PITPNA: variants seen among roughly 807,000 people sequenced by gnomAD.
The protein encoded by PITPNA is phosphatidylinositol transfer protein alpha isoform.
In PITPNA, 13 loss-of-function variants were observed where a neutral mutation model predicts 50.3. That is an observed-to-expected ratio of 0.26 (90% CI 0.17 to 0.41). PITPNA has a LOEUF of 0.41. Ranked by LOEUF, PITPNA falls within the 10% of genes least tolerant of loss-of-function variation. The pLI, the probability that PITPNA is intolerant of heterozygous loss-of-function variation, is 1.00. For missense variants in PITPNA, 207 were observed against 333.4 expected, an observed-to-expected ratio of 0.62 and a Z score of 2.95; for synonymous variants, 120 against 119.6, an observed-to-expected ratio of 1.00 and a Z score of -0.02.
chr17:1,522,307 A>G (rs999403963), intron 10 of PITPNA, among the ~76,000 whole-genome samples: 7 of 149,492 alleles, frequency 4.7e-5, no homozygotes, highest in Non-Finnish European at 7.4e-5. Context: ...TCCTGACCTC[A>G]TGATCCACCC....
intron 9 of PITPNA, 79 bp downstream of exon 9, chr17:1,535,103 C>G: frequency 1.1e-6 from 1 of 881,722 alleles, no homozygotes; most frequent in Non-Finnish European, 1.9e-6. Context: ...GAGCTACTCA[C>G]CTTATGGATG....
Position 1,535,214 on chromosome 17 carries a change from G to A in PITPNA, c.613C>T (p.Leu205=), listed in dbSNP as rs200171855. Residue 205 remains leucine (L), a synonymous_variant, in exon 9 of 12, where the codon CTG becomes TTG. Transcript: ENST00000313486. ...LVTVKFKWWG[L]QNKVENFIHK... ...ATGAAGTTCTCCACTTTGTTCTGCA[G>A]GCCCCACCACTTGAACTTGACGGTC... 1.1e-3 allele frequency: 1,791 copies of A among 1,613,532 alleles called. 1 individual carries two copies. The highest frequency in any genetic ancestry group is 1.3e-3 in the Non-Finnish European group (1,567 of 1,179,424).
chr17:1,533,990 C>T (rs941637770), intron 10 of PITPNA, 109 bp downstream of exon 10: 17 of 1,266,396 alleles, frequency 1.3e-5, no homozygotes, highest in African/African-American at 7.4e-5. Context: ...CAGACACTGA[C>T]GTGTTCCCAG....
chr17:1,540,253 G>A (rs931468321), intron 6 of PITPNA, among the ~76,000 whole-genome samples: 3 of 152,176 alleles, frequency 2.0e-5, no homozygotes, highest in Non-Finnish European at 4.4e-5. Flanking sequence ...ATTTTGATCA[G>A]GCTGTACATG....
intron 4 of PITPNA, among the ~76,000 whole-genome samples, chr17:1,543,959 G>A (rs1016319940): frequency 1.3e-5 from 2 of 152,234 alleles, no homozygotes; most frequent in African/African-American, 4.8e-5. Flanking sequence ...CTCGTCAGCA[G>A]AAATTCTCCT....
intron 3 of PITPNA, among the ~76,000 whole-genome samples, chr17:1,552,110 A>ATT (rs2075712859): frequency 6.6e-6 from 1 of 152,252 alleles, no homozygotes; most frequent in African/African-American, 2.4e-5. Context: ...TCCAAATGAA[A>ATT]GTCAATTGAT....
intron 2 of PITPNA, among the ~76,000 whole-genome samples, chr17:1,557,725 G>C (rs2075742519): frequency 6.6e-6 from 1 of 152,194 alleles, no homozygotes; most frequent in African/African-American, 2.4e-5. Flanking sequence ...ACCGTAAAAG[G>C]ACAGAGGACA....
At chr17:1,541,676 G>T (rs377745228) in intron 5 of PITPNA, 36 bp from the exon 6 acceptor site, 2 of 1,368,876 alleles carry the variant, frequency 1.5e-6, no homozygotes, top group East Asian at 2.3e-5. Flanking sequence ...AAAGTCACTA[G>T]GTTCACAGTT....
chr17:1,523,136 A>C (rs142595602), intron 10 of PITPNA, among the ~76,000 whole-genome samples: 262 of 148,966 alleles, frequency 1.8e-3, no homozygotes, highest in African/African-American at 6.5e-3. Flanking sequence ...GGTCCCTGTC[A>C]CTGGCACCTT....
chr17:1,539,041 C>A, intron 6 of PITPNA, 89 bp from the exon 7 acceptor site: 1 of 739,558 alleles, frequency 1.4e-6, no homozygotes, highest in South Asian at 1.6e-5. Context: ...ACTGCCATTC[C>A]CATAGCCACA....
rs1447613813 is a variant in PITPNA, at chr17:1,560,371, A to ACAGCCAGTGTCTCTGG, written c.21-1813_21-1812insCCAGAGACACTGGCTG. ...TTTCCAGGGCTGCAACGCTGCGGCCACAGCCAGTGTCTCGGATGCCCTGAT... is the reference window on the plus strand; with the variant it reads ...TTTCCAGGGCTGCAACGCTGCGGCCACAGCCAGTGTCTCTGGCAGCCAGTGTCTCGGATGCCCTGAT... On this transcript the variant is annotated intron_variant, in intron 1 of 11. Coordinates refer to ENST00000313486, the MANE Select transcript of PITPNA (RefSeq NM_006224.4). Among the ~76,000 whole-genome samples, 4 of 144,214 alleles carry ACAGCCAGTGTCTCTGG rather than the reference A, an allele frequency of 2.8e-5. No individual in the cohort carries two copies. The East Asian group carries it at 7.8e-4, about 28-fold the overall frequency. The allele number at this position is 144,214 out of a possible 152,430, so 94.6% of individuals were successfully genotyped here. A position where few individuals can be genotyped will look rare whatever the true frequency, so the allele number is the denominator to read the frequency against.
intron 1 of PITPNA, chr17:1,559,895 G>T: frequency 2.4e-6 from 1 of 420,350 alleles, no homozygotes; most frequent in Non-Finnish European, 3.2e-6. Context: ...CTGCCAGTGA[G>T]CCTCCCCTCC....
intron 10 of PITPNA, among the ~76,000 whole-genome samples, chr17:1,529,137 C>CA (rs67568232): frequency 1.1e-4 from 10 of 91,048 alleles, no homozygotes; most frequent in South Asian, 4.4e-4. Flanking sequence ...GACTCCATCT[C>CA]AAAAAAAAAA....
At chr17:1,557,866 CAGAA>C (rs1314170097) in intron 2 of PITPNA, among the ~76,000 whole-genome samples, 1 of 152,196 alleles carries the variant, frequency 6.6e-6, no homozygotes, top group Non-Finnish European at 1.5e-5. Flanking sequence ...GTTGCACAAC[CAGAA>C]AGAGCCACGC....
chr17:1,521,011 GAC>G (rs2075508229), intron 11 of PITPNA, among the ~76,000 whole-genome samples: 1 of 151,978 alleles, frequency 6.6e-6, no homozygotes, highest in Non-Finnish European at 1.5e-5. Flanking sequence ...GGGGAAAAGT[GAC>G]AACATGAAAC....
At chr17:1,559,684 A>G in intron 1 of PITPNA, 1 of 745,234 alleles carries the variant, frequency 1.3e-6, no homozygotes, top group Non-Finnish European at 1.6e-6. Context: ...GCTAGTAAAC[A>G]GCTATTTTCT....
chr17:1,539,698 G>A (rs1297416284), intron 6 of PITPNA, among the ~76,000 whole-genome samples: 1 of 152,260 alleles, frequency 6.6e-6, no homozygotes, highest in African/African-American at 2.4e-5. Context: ...TCAGCCTCCT[G>A]AGGAGCTGGG....
At chr17:1,539,029 G>A in intron 6 of PITPNA, 77 bp from the exon 7 acceptor site, 1 of 837,528 alleles carries the variant, frequency 1.2e-6, no homozygotes, top group Non-Finnish European at 2.0e-6. Flanking sequence ...GGACACCTAG[G>A]AACTGCCATT....
At position 1,538,650 on chromosome 17, in the gene PITPNA, A is replaced by C. The variant is rs994254881; in HGVS notation, c.456+219T>G. On this transcript the variant is annotated intron_variant, in intron 7 of 11. Transcript: ENST00000313486. ...CCTACTTAGTCCAGTAATAATTTTCAGAGGCCAAACAGGGCACACAAATTT... is the reference window on the plus strand; with the variant it reads ...CCTACTTAGTCCAGTAATAATTTTCCGAGGCCAAACAGGGCACACAAATTT... 4.6e-5 allele frequency: 22 copies of C among 474,734 alleles called. No homozygotes were observed. The East Asian group carries it at 7.4e-4, about 16-fold the overall frequency. 29.4% of individuals were successfully genotyped at this position (474,734 alleles called of 1,614,324 possible).
Sources: allele counts gnomAD v4.1 joint callset (sites outside exome capture counted in the v4.1 genomes callset), GRCh38; gene constraint gnomAD v4.1.1; transcripts MANE v1.5; gene names NCBI Gene and HGNC (gene_info 2026-07-23, HGNC 2026-07-21).